The following ZW10 variants were observed in gnomAD, a reference collection of about 807,000 sequenced individuals.
ZW10 encodes the protein centromere/kinetochore protein zw10 homolog.
ZW10 carries 53 observed loss-of-function variants against 87.8 expected under a neutral mutation model. That is an observed-to-expected ratio of 0.60 (90% CI 0.48 to 0.76). The LOEUF (loss-of-function observed/expected upper bound fraction) is 0.76. ZW10 is among the 30% of genes least tolerant of loss of function. The pLI is 0.00. For missense variants in ZW10, 837 were observed against 923.0 expected, an observed-to-expected ratio of 0.91 and a Z score of 1.21; for synonymous variants, 312 against 329.2, an observed-to-expected ratio of 0.95 and a Z score of 0.57.
chr11:113,741,857 AT>A (rs1261964736), intron 10 of ZW10, 92 bp from the exon 11 acceptor site: 1 of 807,508 alleles, frequency 1.2e-6, no homozygotes, highest in East Asian at 2.7e-5. Flanking sequence ...AGTGAGAGTC[AT>A]AAGCTAAAAC....
chr11:113,758,245 T>G (rs908627152), intron 6 of ZW10, among the ~76,000 whole-genome samples: 2 of 150,594 alleles, frequency 1.3e-5, no homozygotes, highest in African/African-American at 4.9e-5. Context: ...ACAACCAAAA[T>G]ACATATACCA....
chr11:113,741,478 T>A (rs1228023013), intron 11 of ZW10, among the ~76,000 whole-genome samples: 1 of 152,230 alleles, frequency 6.6e-6, no homozygotes, highest in Non-Finnish European at 1.5e-5. Flanking sequence ...AAAATGTGCA[T>A]CATGAACTAC....
At chr11:113,749,861 A>C (rs1331400042) in intron 7 of ZW10, among the ~76,000 whole-genome samples, 1 of 152,274 alleles carries the variant, frequency 6.6e-6, no homozygotes, top group Non-Finnish European at 1.5e-5. Flanking sequence ...GGTATTTCAT[A>C]TAATACATTG....
chr11:113,769,316 AAAGAG>A, intron 1 of ZW10, among the ~76,000 whole-genome samples: 1 of 152,314 alleles, frequency 6.6e-6, no homozygotes, highest in South Asian at 2.1e-4. Context: ...AAATGCTGGA[AAAGAG>A]AAAAGGTGGA....
In ZW10 at chr11:113,760,519, C is replaced by G; in HGVS notation, c.414G>C (p.Leu138=). 2 of 1,613,564 alleles carry G rather than the reference C, an allele frequency of 1.2e-6. No individual in the cohort carries two copies. The change falls in exon 4 of 16, where the codon CTG becomes CTC. Residue 138 remains leucine, a synonymous_variant. Transcript: ENST00000200135. ...EKKYVTGAQR[L]EEAQKCLKLL... The stretch of plus-strand genomic sequence containing the variant: ...TGGGGAGAGCATTTAGTACCTCTTC[C>G]AGACGCTGAGCACCAGTGACATACT...
chr11:113,733,949 T>G, intron 15 of ZW10, 135 bp from the exon 16 acceptor site: 1 of 1,092,272 alleles, frequency 9.2e-7, no homozygotes, highest in Non-Finnish European at 1.3e-6. Flanking sequence ...TCTTTCCTCT[T>G]CTTTATAGAA....
chr11:113,759,868 C>A (rs752440862), intron 5 of ZW10, among the ~76,000 whole-genome samples: 4 of 152,166 alleles, frequency 2.6e-5, no homozygotes, highest in Non-Finnish European at 2.9e-5. Flanking sequence ...CTGTCAGGAA[C>A]GGGCACGTCC....
At chr11:113,768,416 G>A (rs925405293) in intron 2 of ZW10, among the ~76,000 whole-genome samples, 2 of 152,176 alleles carry the variant, frequency 1.3e-5, no homozygotes, top group African/African-American at 4.8e-5. Context: ...GCCAATTACT[G>A]TCTTGTTCCA....
intron 2 of ZW10, among the ~76,000 whole-genome samples, chr11:113,762,873 T>C (rs999266263): frequency 6.6e-6 from 1 of 152,174 alleles, no homozygotes; most frequent in African/African-American, 2.4e-5. Flanking sequence ...CTATACGCTG[T>C]AGAAAAGTAT....
At position 113,747,657 on chromosome 11, in the gene ZW10, T is replaced by C. The variant is rs1953694392; in HGVS notation, c.1146A>G (p.Lys382=). 6.2e-7 allele frequency: 1 copy of C among 1,613,192 alleles called. No homozygotes were observed. Among genetic ancestry groups the C allele is most frequent in the Admixed American group, 1.7e-5 (1 of 60,018 alleles). ...ATTTCAGCAAATCTGTAGTATCTCC[T>C]TTTAAAAATCTCATTTCCTTTAGGG... The part of the protein sequence containing the change: ...ENALKEMRFL[K]GDTTDLLKYA... The change falls in exon 9 of 16, where the codon AAA becomes AAG. Residue 382 remains lysine (K), a synonymous_variant. Transcript: ENST00000200135.
At chr11:113,761,016 T>A in intron 2 of ZW10, 98 bp from the exon 3 acceptor site, 2 of 871,712 alleles carry the variant, frequency 2.3e-6, no homozygotes, top group East Asian at 2.6e-5. Flanking sequence ...GTCAACATAA[T>A]TTATGTTGAA....
intron 1 of ZW10, among the ~76,000 whole-genome samples, chr11:113,770,147 G>C (rs1013969002): frequency 1.4e-5 from 2 of 140,488 alleles, no homozygotes; most frequent in Non-Finnish European, 3.0e-5. Flanking sequence ...GGAATGCGGT[G>C]GTGGAATCTT....
At position 113,747,581 on chromosome 11, in the gene ZW10, T is replaced by C; in HGVS notation, c.1222A>G (p.Ile408Val). Residue 408 changes from isoleucine to valine, a missense_variant, in exon 9 of 16, where the codon ATT becomes GTT. Ile to Val is a conservative substitution (Grantham distance 29, BLOSUM62 3). Transcript: ENST00000200135. Reference sequence around the variant, plus strand: ...GTCATTAGATTTCTGGCTGCCACAATCACATCCTGGCACTTTTTGTTTGCA... The same window carrying C: ...GTCATTAGATTTCTGGCTGCCACAACCACATCCTGGCACTTTTTGTTTGCA... ...HFANKKCQDV[I>V]VAARNLMTSE... 6.2e-7 allele frequency: 1 copy of C among 1,613,740 alleles called. No individual in the cohort carries two copies. Among genetic ancestry groups the C allele is most frequent in the East Asian group, 2.2e-5 (1 of 44,844 alleles).
intron 1 of ZW10, 75 bp from the exon 2 acceptor site, chr11:113,769,042 C>T (rs1463511208): frequency 1.1e-5 from 16 of 1,482,472 alleles, no homozygotes; most frequent in Non-Finnish European, 1.5e-5. Context: ...TATTCATCTT[C>T]CACAAGGCAT....
At chr11:113,747,739 A>C (rs1402912903) in intron 8 of ZW10, 26 bp from the exon 9 acceptor site, 2 of 1,546,532 alleles carry the variant, frequency 1.3e-6, no homozygotes, top group Admixed American at 3.8e-5. Flanking sequence ...AAAAAAAGAA[A>C]AGAATCATTT....
intron 14 of ZW10, among the ~76,000 whole-genome samples, chr11:113,737,100 AG>A (rs1028097808): frequency 2.0e-5 from 3 of 152,258 alleles, no homozygotes; most frequent in Non-Finnish European, 4.4e-5. Flanking sequence ...GTTGCAAAGC[AG>A]GGGATGTGAT....
At chr11:113,736,913 G>C (rs1953560262) in intron 14 of ZW10, 91 bp from the exon 15 acceptor site, 2 of 1,216,218 alleles carry the variant, frequency 1.6e-6, no homozygotes, top group Non-Finnish European at 1.2e-6. Flanking sequence ...ATGCTGTCCA[G>C]GTGGGTCAGC....
intron 1 of ZW10, chr11:113,770,030 G>T (rs1368556273): frequency 7.9e-5 from 13 of 164,006 alleles, no homozygotes; most frequent in African/African-American, 3.0e-4. Flanking sequence ...GGACTGGTTT[G>T]CTTTTTGGCA....
At chr11:113,759,991 G>C (rs1239014069) in intron 5 of ZW10, among the ~76,000 whole-genome samples, 4 of 152,176 alleles carry the variant, frequency 2.6e-5, no homozygotes, top group African/African-American at 9.7e-5. Context: ...CTAGGGAACA[G>C]GACAGCTAAG....
Sources: allele counts gnomAD v4.1 joint callset (sites outside exome capture counted in the v4.1 genomes callset), GRCh38; gene constraint gnomAD v4.1.1; transcripts MANE v1.5; gene names NCBI Gene and HGNC (gene_info 2026-07-23, HGNC 2026-07-21).